Variants in ROR2 observed in about 807,000 individuals in gnomAD.
The protein encoded by ROR2 is tyrosine-protein kinase transmembrane receptor ROR2.
A neutral mutation model predicts 74.9 loss-of-function variants in ROR2; 33 were observed. The ratio of observed to expected loss-of-function variants is 0.44; its 90% confidence interval spans 0.33 to 0.59. ROR2 has a LOEUF of 0.59. ROR2 is among the 20% of genes least tolerant of loss of function. The pLI, the probability that ROR2 is intolerant of heterozygous loss-of-function variation, is 0.02. For missense variants in ROR2, 1,216 were observed against 1,313.8 expected (o/e 0.93, Z 1.15); for synonymous variants, 586 against 558.7 (o/e 1.05, Z -0.69).
intron 1 of ROR2, among the ~76,000 whole-genome samples, chr9:91,787,672 A>C (rs1826845175): frequency 6.6e-6 from 1 of 152,204 alleles, no homozygotes; most frequent in Non-Finnish European, 1.5e-5. Context: ...AATAAAAAAC[A>C]AAAAGAAAAA....
intron 1 of ROR2, among the ~76,000 whole-genome samples, chr9:91,837,895 A>G (rs1347071067): frequency 6.6e-6 from 1 of 152,256 alleles, no homozygotes; most frequent in African/African-American, 2.4e-5. Flanking sequence ...ACACATTCTA[A>G]GTGGAACACA....
At chr9:91,925,273 C>T (rs1019247017) in intron 1 of ROR2, among the ~76,000 whole-genome samples, 1 of 152,176 alleles carries the variant, frequency 6.6e-6, no homozygotes, top group Non-Finnish European at 1.5e-5. Flanking sequence ...ATGACACCAA[C>T]CATCTGCTCA....
intron 1 of ROR2, among the ~76,000 whole-genome samples, chr9:91,933,037 G>GGA (rs1831591567): frequency 6.6e-6 from 1 of 152,150 alleles, no homozygotes; most frequent in Non-Finnish European, 1.5e-5. Flanking sequence ...AGTGGCCTAT[G>GGA]ATTACAGGCG....
intron 7 of ROR2, among the ~76,000 whole-genome samples, chr9:91,729,048 TTTGA>T (rs1837145128): frequency 6.6e-6 from 1 of 151,924 alleles, no homozygotes; most frequent in African/African-American, 2.4e-5. Context: ...TTTTTCATGC[TTTGA>T]TTTATTTTTA....
intron 1 of ROR2, among the ~76,000 whole-genome samples, chr9:91,907,174 A>G (rs1273783154): frequency 3.3e-5 from 5 of 152,170 alleles, no homozygotes; most frequent in Non-Finnish European, 7.4e-5. Flanking sequence ...TAAGTGATAA[A>G]CAGGAAGCCA....
chr9:91,919,351 T>A (rs959993108), intron 1 of ROR2, among the ~76,000 whole-genome samples: 5 of 152,194 alleles, frequency 3.3e-5, no homozygotes, highest in African/African-American at 1.2e-4. Flanking sequence ...TTCTTGACTG[T>A]TCTTTCTTTA....
intron 1 of ROR2, among the ~76,000 whole-genome samples, chr9:91,809,080 T>A (rs1827665170): frequency 6.6e-6 from 1 of 152,128 alleles, no homozygotes; most frequent in African/African-American, 2.4e-5. Context: ...GATGAAAGGT[T>A]TCCTCTCCCC....
At chr9:91,771,371 G>A (rs1474059857) in intron 2 of ROR2, among the ~76,000 whole-genome samples, 2 of 152,304 alleles carry the variant, frequency 1.3e-5, no homozygotes, top group South Asian at 2.1e-4. Flanking sequence ...TATTCCATGT[G>A]CATTTAAAAC....
At chr9:91,753,962 G>T (rs1391146410) in intron 4 of ROR2, among the ~76,000 whole-genome samples, 8 of 152,054 alleles carry the variant, frequency 5.3e-5, no homozygotes, top group African/African-American at 1.9e-4. Flanking sequence ...TGTGCTTTTA[G>T]ACCTTTTTTC....
intron 2 of ROR2, among the ~76,000 whole-genome samples, chr9:91,762,025 T>G (rs149221962): frequency 0.018 from 2,748 of 152,328 alleles, 34 homozygotes; most frequent in South Asian, 0.03. Context: ...GCAATAATTG[T>G]TGTCTCAGTG....
At chr9:91,814,541 A>G (rs1392547461) in intron 1 of ROR2, among the ~76,000 whole-genome samples, 1 of 152,196 alleles carries the variant, frequency 6.6e-6, no homozygotes, top group Non-Finnish European at 1.5e-5. Context: ...CAAAAATAAC[A>G]TCACTATAAG....
At chr9:91,766,230 G>C (rs924849638) in intron 2 of ROR2, among the ~76,000 whole-genome samples, 1 of 152,148 alleles carries the variant, frequency 6.6e-6, no homozygotes, top group African/African-American at 2.4e-5. Context: ...ACTCCATGAC[G>C]CCTTCAGAAT....
At chr9:91,933,027 AGTGGCCTATGATTACAGGC>A (rs1056878318) in intron 1 of ROR2, among the ~76,000 whole-genome samples, 1 of 152,212 alleles carries the variant, frequency 6.6e-6, no homozygotes, top group African/African-American at 2.4e-5. Context: ...GGCCAAGCAC[AGTGGCCTATGATTACAGGC>A]GTTAGCCTGT....
intron 1 of ROR2, among the ~76,000 whole-genome samples, chr9:91,916,329 G>A (rs753023951): frequency 6.8e-6 from 1 of 146,842 alleles, no homozygotes; most frequent in African/African-American, 2.5e-5. Flanking sequence ...ATTTTGTTCA[G>A]GTGATGCTCC....
intron 1 of ROR2, among the ~76,000 whole-genome samples, chr9:91,823,214 C>T (rs1047515008): frequency 6.6e-6 from 1 of 152,096 alleles, no homozygotes; most frequent in Non-Finnish European, 1.5e-5. Flanking sequence ...AATTTTGTTC[C>T]ATGTAAGAAT....
intron 4 of ROR2, among the ~76,000 whole-genome samples, chr9:91,740,936 C>G (rs2118750875): frequency 6.6e-6 from 1 of 152,200 alleles, no homozygotes; most frequent in Admixed American, 6.5e-5. Context: ...GATCCAAGGC[C>G]TGACGGGACA....
At chr9:91,870,208 C>T (rs1032671252) in intron 1 of ROR2, among the ~76,000 whole-genome samples, 17 of 152,160 alleles carry the variant, frequency 1.1e-4, no homozygotes, top group African/African-American at 4.1e-4. Flanking sequence ...GGTTTGCTGA[C>T]CCCCAATCTA....
At chr9:91,926,219 T>TAA (rs113100413) in intron 1 of ROR2, among the ~76,000 whole-genome samples, 5 of 143,340 alleles carry the variant, frequency 3.5e-5, no homozygotes, top group East Asian at 2.0e-4. Context: ...ATCTCTACTT[T>TAA]AAAAAAAAAA....
At position 91,757,373 on chromosome 9, in the gene ROR2, C is replaced by T. The variant is rs1377209414; in HGVS notation, c.362G>A (p.Arg121Gln). ...IRKTEYGSRL[R>Q]IQDLDTTDTG... is the part of the protein sequence containing the mutation. ...GTCTGTCGTGTCCAGGTCCTGGATT[C>T]GCAGTCGTGAACCATATTCTGTCTT... Residue 121 changes from arginine (R) to glutamine (Q), a missense_variant, in exon 3 of 9, where the codon CGA becomes CAA. Physicochemically the swap from Arg to Gln is conservative, Grantham distance 43. Coordinates refer to ENST00000375708, the MANE Select transcript of ROR2 (RefSeq NM_004560.4). 5 of 1,613,942 alleles carry T rather than the reference C, an allele frequency of 3.1e-6. No individual in the cohort carries two copies. The East Asian group carries it at 8.9e-5, about 29-fold the overall frequency.
Sources: allele counts gnomAD v4.1 joint callset (sites outside exome capture counted in the v4.1 genomes callset), GRCh38; gene constraint gnomAD v4.1.1; transcripts MANE v1.5; gene names NCBI Gene and HGNC (gene_info 2026-07-23, HGNC 2026-07-21).